The following ZNF492 variants were observed in gnomAD, a reference collection of about 807,000 sequenced individuals.
ZNF492 encodes zinc finger protein 115 (Y20).
A neutral mutation model predicts 6.4 loss-of-function variants in ZNF492; 3 were observed. The ratio of observed to expected loss-of-function variants is 0.47; its 90% CI spans 0.21 to 1.22. The LOEUF (loss-of-function observed/expected upper bound fraction) is 1.22, where lower values mean the gene tolerates loss of function less well. ZNF492 is among the 50% of genes most tolerant of loss of function. The probability of loss-of-function intolerance (pLI) is 0.22; values close to 1 mark genes in which losing one functional copy is unlikely to be tolerated. For missense variants in ZNF492, 356 were observed against 612.5 expected (o/e 0.58, Z 4.42); for synonymous variants, 112 against 205.3 (o/e 0.55, Z 3.89).
intron 1 of ZNF492, among the ~76,000 whole-genome samples, chr19:22,636,169 G>A (rs573612545): frequency 1.3e-5 from 2 of 151,266 alleles, no homozygotes; most frequent in African/African-American, 4.9e-5. Flanking sequence ...GCGCGATCTC[G>A]GCTCACGGCA....
At chr19:22,663,651 G>C in intron 3 of ZNF492, 149 bp from the exon 4 acceptor site, 1 of 753,574 alleles carries the variant, frequency 1.3e-6, no homozygotes, top group Non-Finnish European at 2.0e-6. Flanking sequence ...TGTTCTGTAT[G>C]CTTTTATATG....
Position 22,667,558 on chromosome 19 carries a change from T to C in ZNF492, c.*2293T>C, listed in dbSNP as rs1972144540. 1 of 152,066 alleles carries C rather than the reference T, an allele frequency of 6.6e-6. No homozygotes were observed. The highest frequency in any genetic ancestry group is 1.5e-5 in the Non-Finnish European group (1 of 68,004). 9.4% of individuals were successfully genotyped at this position (152,066 alleles called of 1,614,324 possible). Reference sequence around the variant, plus strand: ...CAGTTCAATTGTACAGTTTTAGTTTTTTTAAAATATACGATTGTTATTGAC... The same window carrying C: ...CAGTTCAATTGTACAGTTTTAGTTTCTTTAAAATATACGATTGTTATTGAC... On this transcript the variant is annotated 3_prime_UTR_variant, in exon 4 of 4. Transcript: ENST00000456783.
intron 1 of ZNF492, among the ~76,000 whole-genome samples, chr19:22,643,295 A>C (rs1426854577): frequency 6.6e-6 from 1 of 152,158 alleles, no homozygotes; most frequent in Non-Finnish European, 1.5e-5. Context: ...AAATAAAAAA[A>C]ATAAATAAGT....
intron 1 of ZNF492, among the ~76,000 whole-genome samples, chr19:22,642,291 G>C (rs1404803812): frequency 1.4e-5 from 2 of 147,554 alleles, no homozygotes; most frequent in East Asian, 4.0e-4. Context: ...GTTCATCTCT[G>C]TTTTATTAAA....
At position 22,664,176 on chromosome 19, in the gene ZNF492, C is replaced by T; in HGVS notation, c.507C>T (p.Tyr169=). Residue 169 remains tyrosine (Y), a synonymous_variant, in exon 4 of 4, where the codon TAC becomes TAT. Coordinates refer to ENST00000456783, the MANE Select transcript of ZNF492 (RefSeq NM_020855.3). ...HKRIHSGEKP[Y]KCKECGKAYN... is the part of the protein sequence containing the mutation. ...GAATTCATAGTGGAGAGAAACCCTA[C>T]AAATGTAAAGAATGTGGGAAAGCCT... The T allele has an allele frequency of 6.2e-7, 1 of 1,610,232 alleles. No individual in the cohort carries two copies. Among genetic ancestry groups the T allele is most frequent in the Non-Finnish European group, 8.5e-7 (1 of 1,178,062 alleles).
chr19:22,656,456 T>A (rs1319018901), intron 3 of ZNF492, among the ~76,000 whole-genome samples: 3 of 152,044 alleles, frequency 2.0e-5, no homozygotes, highest in Admixed American at 2.0e-4. Context: ...CAGAGAGGAT[T>A]TCCCATGGTC....
chr19:22,658,236 CAT>C (rs1161113045), intron 3 of ZNF492, among the ~76,000 whole-genome samples: 1 of 151,880 alleles, frequency 6.6e-6, no homozygotes, highest in Non-Finnish European at 1.5e-5. Context: ...TCCTGGAAGA[CAT>C]ATGGAAACCT....
At chr19:22,642,086 C>T (rs887209399) in intron 1 of ZNF492, among the ~76,000 whole-genome samples, 1 of 152,122 alleles carries the variant, frequency 6.6e-6, no homozygotes, top group Non-Finnish European at 1.5e-5. Context: ...AGCCAGCGCG[C>T]CCGGCCACGC....
In ZNF492 at chr19:22,666,944, C is replaced by G. The variant is rs1203148189; in HGVS notation, c.*1679C>G. 4 of 152,052 alleles carry G rather than the reference C, an allele frequency of 2.6e-5. No individual in the cohort carries two copies. Among genetic ancestry groups the G allele is most frequent in the Non-Finnish European group, 5.9e-5 (4 of 68,012 alleles). The allele number at this position is 152,052 out of a possible 1,614,324, so 9.4% of individuals were successfully genotyped here. A position where few individuals can be genotyped will look rare whatever the true frequency, so the allele number is the denominator to read the frequency against. The stretch of plus-strand genomic sequence containing the variant: ...CAAGGGTGTAGGTAAAAGGTGGTAA[C>G]AAGGCCGGGCACGGTGGCTCACGCC... On this transcript the variant is annotated 3_prime_UTR_variant, in exon 4 of 4. Transcript: ENST00000456783.
At chr19:22,663,109 G>C (rs1166491889) in intron 3 of ZNF492, among the ~76,000 whole-genome samples, 3 of 151,434 alleles carry the variant, frequency 2.0e-5, no homozygotes, top group Non-Finnish European at 4.4e-5. Flanking sequence ...ATTAATTTTT[G>C]TATAAGGTGT....
At chr19:22,658,987 A>G (rs1207248603) in intron 3 of ZNF492, among the ~76,000 whole-genome samples, 2 of 152,028 alleles carry the variant, frequency 1.3e-5, no homozygotes, top group Non-Finnish European at 2.9e-5. Context: ...TGGGTACTTT[A>G]TTGTATGTAG....
chr19:22,650,844 G>C (rs1014426444), intron 1 of ZNF492, among the ~76,000 whole-genome samples: 1 of 152,116 alleles, frequency 6.6e-6, no homozygotes, highest in African/African-American at 2.4e-5. Flanking sequence ...AGCCTAGTGT[G>C]TTAGGCAGCT....
chr19:22,666,188 CTTTT>C lies in ZNF492; in HGVS notation c.*937_*940del, dbSNP rs202104125. 2.2e-5 allele frequency: 3 copies of C among 136,354 alleles called. No individual in the cohort carries two copies. The highest frequency in any genetic ancestry group is 4.7e-5 in the Non-Finnish European group (3 of 63,610). 8.4% of individuals were successfully genotyped at this position (136,354 alleles called of 1,614,324 possible). A position where few individuals can be genotyped will look rare whatever the true frequency, so the allele number is the denominator to read the frequency against. ...GAAATTAGTTTTTCTTTTTCTTCTTCTTTTTTTTTTTTTTTTTAGATGGAGTCTT... is the reference window on the plus strand; with the variant it reads ...GAAATTAGTTTTTCTTTTTCTTCTTCTTTTTTTTTTTTTAGATGGAGTCTT... On this transcript the variant is annotated 3_prime_UTR_variant, in exon 4 of 4. Coordinates refer to ENST00000456783, the MANE Select transcript of ZNF492 (RefSeq NM_020855.3).
intron 3 of ZNF492, among the ~76,000 whole-genome samples, chr19:22,654,665 C>A (rs754621138): frequency 2.4e-4 from 35 of 147,534 alleles, no homozygotes; most frequent in Non-Finnish European, 4.6e-4. Flanking sequence ...GCAGTGTCAT[C>A]ATCTCGGCTA....
intron 1 of ZNF492, among the ~76,000 whole-genome samples, chr19:22,635,226 C>T (rs1338986975): frequency 6.6e-6 from 1 of 152,124 alleles, no homozygotes; most frequent in African/African-American, 2.4e-5. Context: ...ATTAGAGCCA[C>T]CTCAGTCTAT....
chr19:22,646,281 C>G (rs930718442), intron 1 of ZNF492, among the ~76,000 whole-genome samples: 3 of 152,032 alleles, frequency 2.0e-5, no homozygotes, highest in African/African-American at 7.2e-5. Context: ...CTTTTTGTAG[C>G]AGTTGTGAAG....
rs1259982926 is a variant in ZNF492 at position 22,665,589 on chromosome 19, A to T, written c.*324A>T. 1 of 274,766 alleles carries T rather than the reference A, an allele frequency of 3.6e-6. No homozygotes were observed. Among genetic ancestry groups the T allele is most frequent in the Non-Finnish European group, 6.8e-6 (1 of 146,542 alleles). 17.0% of individuals were successfully genotyped at this position (274,766 alleles called of 1,614,324 possible). The stretch of plus-strand genomic sequence containing the variant: ...AAGAGGATTTATTTTGAAGACAAAC[A>T]TTACAAATATAAACGAAGTTGTGGT... On this transcript the variant is annotated 3_prime_UTR_variant, in exon 4 of 4. Coordinates refer to ENST00000456783, the MANE Select transcript of ZNF492 (RefSeq NM_020855.3).
chr19:22,656,755 G>T (rs917824394), intron 3 of ZNF492, among the ~76,000 whole-genome samples: 1 of 152,072 alleles, frequency 6.6e-6, no homozygotes, highest in African/African-American at 2.4e-5. Context: ...CCTATAGTTT[G>T]CCACCTGAAT....
At chr19:22,655,816 G>GTTTTTT (rs987078429) in intron 3 of ZNF492, among the ~76,000 whole-genome samples, 1 of 51,786 alleles carries the variant, frequency 1.9e-5, no homozygotes, top group Non-Finnish European at 3.9e-5. Flanking sequence ...TTTTCTTGTT[G>GTTTTTT]TTTTTTTTTT....
Sources: allele counts gnomAD v4.1 joint callset (sites outside exome capture counted in the v4.1 genomes callset), GRCh38; gene constraint gnomAD v4.1.1; transcripts MANE v1.5; gene names NCBI Gene and HGNC (gene_info 2026-07-23, HGNC 2026-07-21).